The following SH3TC2 variants were observed in gnomAD, a reference collection of about 807,000 sequenced individuals.
SH3TC2 encodes the protein SH3 domain and tetratricopeptide repeat-containing protein 2.
Under a neutral mutation model 124.5 loss-of-function variants are expected in SH3TC2, and 87 were observed. The ratio of observed to expected loss-of-function variants is 0.70; its 90% CI spans 0.59 to 0.84. The LOEUF (loss-of-function observed/expected upper bound fraction) is 0.84. SH3TC2 is among the 40% of genes least tolerant of loss of function. The pLI, the probability that SH3TC2 is intolerant of heterozygous loss-of-function variation, is 0.00. For synonymous variants in SH3TC2, 634 were observed against 628.5 expected, an observed-to-expected ratio of 1.01 and a Z score of -0.13; for missense variants, 1,536 against 1,566.4, an observed-to-expected ratio of 0.98 and a Z score of 0.33.
At position 149,052,244 on chromosome 5, in the gene SH3TC2, G is replaced by A. The variant is rs774997367; in HGVS notation, c.53-4C>T. On this transcript the variant is annotated splice_region_variant and splice_polypyrimidine_tract_variant and intron_variant, in intron 1 of 16. Transcript: ENST00000515425. ...TCCTTGGAAGGAGTTTCTTTACCTGGAGAAGATGAAATAAAAGGTCATCTT... is the reference window on the plus strand; with the variant it reads ...TCCTTGGAAGGAGTTTCTTTACCTGAAGAAGATGAAATAAAAGGTCATCTT... 1 of 1,595,668 alleles carries A rather than the reference G, an allele frequency of 6.3e-7. No homozygotes were observed. Among genetic ancestry groups the A allele is most frequent in the East Asian group, 2.2e-5 (1 of 44,760 alleles).
chr5:149,009,296 G>C (rs1036787959), intron 14 of SH3TC2, among the ~76,000 whole-genome samples: 2 of 152,222 alleles, frequency 1.3e-5, no homozygotes, highest in Admixed American at 6.5e-5. Context: ...GTGGAAAGTC[G>C]TTCCCTTCTC....
intron 16 of SH3TC2, 143 bp downstream of exon 16, chr5:149,006,738 C>T: frequency 1.1e-6 from 1 of 870,138 alleles, no homozygotes; most frequent in Non-Finnish European, 2.0e-6. Context: ...TGTAAAGCCA[C>T]TCCTCACCCT....
At chr5:149,013,254 C>A (rs1350342623) in intron 12 of SH3TC2, among the ~76,000 whole-genome samples, 1 of 151,994 alleles carries the variant, frequency 6.6e-6, no homozygotes, top group Admixed American at 6.5e-5. Context: ...AATCATGGGG[C>A]CGTTACCCCC....
At chr5:149,025,562 G>T (rs1458222585) in intron 12 of SH3TC2, among the ~76,000 whole-genome samples, 1 of 152,224 alleles carries the variant, frequency 6.6e-6, no homozygotes, top group Non-Finnish European at 1.5e-5. Context: ...CAAATCTGTT[G>T]CAAAGTGAAC....
intron 14 of SH3TC2, 87 bp from the exon 15 acceptor site, chr5:149,009,088 G>T: frequency 6.4e-7 from 1 of 1,568,026 alleles, no homozygotes; most frequent in Non-Finnish European, 8.8e-7. Flanking sequence ...TACAGGCAGG[G>T]GTTGGGGAAC....
In SH3TC2 at chr5:148,998,661, G is replaced by A. The variant is rs560932494; in HGVS notation, c.*6050C>T. Among the ~76,000 whole-genome samples, 320 of 152,262 alleles carry A rather than the reference G, an allele frequency of 2.1e-3. 3 individuals carry two copies. Among genetic ancestry groups the A allele is most frequent in the African/African-American group, 7.6e-3 (314 of 41,562 alleles). Reference sequence around the variant, plus strand: ...AGCCCCACTGTGCAGTCCTGGCCACGCAAGTTATTCTTGATCCTGCACCAT... The same window carrying A: ...AGCCCCACTGTGCAGTCCTGGCCACACAAGTTATTCTTGATCCTGCACCAT... On this transcript the variant is annotated 3_prime_UTR_variant, in exon 17 of 17. Transcript: ENST00000515425.
intron 16 of SH3TC2, 105 bp from the exon 17 acceptor site, chr5:149,005,007 T>C: frequency 3.8e-6 from 5 of 1,327,510 alleles, no homozygotes; most frequent in Non-Finnish European, 5.3e-6. Context: ...TTTGTTTGTT[T>C]GTTTGTTTGT....
chr5:149,062,313 G>T (rs776489843), intron 1 of SH3TC2: 13 of 528,460 alleles, frequency 2.5e-5, no homozygotes, highest in South Asian at 4.2e-5. Context: ...AAGCAAGAAG[G>T]TTGCTTCAGG....
At position 148,995,425 on chromosome 5, in the gene SH3TC2, C is replaced by A. The variant is rs1193266688; in HGVS notation, c.*9286G>T. ...CCATCATTACAGCTTCAGTAAAAGA[C>A]CATGATTATCCCTGGTCAAACTACT... On this transcript the variant is annotated 3_prime_UTR_variant, in exon 17 of 17. Coordinates refer to ENST00000515425, the MANE Select transcript of SH3TC2 (RefSeq NM_024577.4). Among the ~76,000 whole-genome samples the A allele has an allele frequency of 1.3e-5, 2 of 152,142 alleles. No individual in the cohort carries two copies. The highest frequency in any genetic ancestry group is 4.8e-5 in the African/African-American group (2 of 41,430).
In SH3TC2 at chr5:148,990,837, G is replaced by C. The variant is rs1308396548; in HGVS notation, c.*13874C>G. ...TGCAATAAGCAAGGCCCTGAGTTAAGTATTCTAAGTACATTATCTCTTTTA... is the reference window on the plus strand; with the variant it reads ...TGCAATAAGCAAGGCCCTGAGTTAACTATTCTAAGTACATTATCTCTTTTA... On this transcript the variant is annotated 3_prime_UTR_variant, in exon 17 of 17. Transcript: ENST00000515425. Among the ~76,000 whole-genome samples, 1 of 152,192 alleles carries C rather than the reference G, an allele frequency of 6.6e-6. No individual in the cohort carries two copies. The highest frequency in any genetic ancestry group is 6.5e-5 in the Admixed American group (1 of 15,284).
intron 12 of SH3TC2, among the ~76,000 whole-genome samples, chr5:149,015,614 G>C (rs1447659641): frequency 6.6e-6 from 1 of 152,148 alleles, no homozygotes; most frequent in African/African-American, 2.4e-5. Flanking sequence ...CTCAAGTTCA[G>C]TCTCTGGGGT....
chr5:149,031,666 G>A lies in SH3TC2; in HGVS notation c.1023C>T (p.Leu341=). 6.2e-7 allele frequency: 1 copy of A among 1,614,128 alleles called. No homozygotes were observed. Among genetic ancestry groups the A allele is most frequent in the Non-Finnish European group, 8.5e-7 (1 of 1,180,040 alleles). ...YSPMSRNSAF[L]SDEERCSLLA... ...ACAGGGAGCATCTCTCCTCATCACT[G>A]AGAAAGGCAGAGTTCCTGCTCCTGC... The change falls in exon 9 of 17, where the codon CTC becomes CTT. Residue 341 remains leucine, a synonymous_variant. Coordinates refer to ENST00000515425, the MANE Select transcript of SH3TC2 (RefSeq NM_024577.4).
At chr5:149,060,571 A>C (rs1001105121) in intron 1 of SH3TC2, among the ~76,000 whole-genome samples, 2 of 152,176 alleles carry the variant, frequency 1.3e-5, no homozygotes, top group Non-Finnish European at 2.9e-5. Flanking sequence ...TCCTGTGTCC[A>C]TTAGCCCTGA....
chr5:149,008,064 G>C (rs1753720950), intron 15 of SH3TC2: 1 of 152,700 alleles, frequency 6.5e-6, no homozygotes, highest in Admixed American at 6.5e-5. Context: ...GTAGGGAAAA[G>C]AGGGAAGGCT....
rs1753402081 is a variant in SH3TC2 at position 148,990,325 on chromosome 5, G to A, written c.*14386C>T. On this transcript the variant is annotated 3_prime_UTR_variant, in exon 17 of 17. Coordinates refer to ENST00000515425, the MANE Select transcript of SH3TC2 (RefSeq NM_024577.4). Reference sequence around the variant, plus strand: ...CTCTGAGCCTTAGTTTCCTTAGTTTGCTGTAAATGTTCACACCTCCCATCA... The same window carrying A: ...CTCTGAGCCTTAGTTTCCTTAGTTTACTGTAAATGTTCACACCTCCCATCA... Among the ~76,000 whole-genome samples the A allele has an allele frequency of 6.6e-6, 1 of 152,016 alleles. No homozygotes were observed. Among genetic ancestry groups the A allele is most frequent in the Non-Finnish European group, 1.5e-5 (1 of 68,004 alleles).
At position 149,044,598 on chromosome 5, in the gene SH3TC2, G is replaced by T. The variant is rs1371951870; in HGVS notation, c.320C>A (p.Ala107Asp). 4 of 1,613,908 alleles carry T rather than the reference G, an allele frequency of 2.5e-6. No homozygotes were observed. The African/African-American group carries it at 5.3e-5, about 22-fold the overall frequency. Residue 107 changes from alanine (A) to aspartate (D), a missense_variant, in exon 4 of 17, where the codon GCC becomes GAC. Ala to Asp is a moderately radical substitution (Grantham distance 126, BLOSUM62 -2). Coordinates refer to ENST00000515425, the MANE Select transcript of SH3TC2 (RefSeq NM_024577.4). ...ARLVSIQSQRAQFLITFKTME... is the reference protein window; with the variant it reads ...ARLVSIQSQRDQFLITFKTME... ...GGTCTTGAAGGTGATGAGAAACTGG[G>T]CCCTCTGAGACTGGATACTGACCAA...
rs1753400168 is a variant in SH3TC2, at chr5:148,990,215, T to G, written c.*14496A>C. On this transcript the variant is annotated 3_prime_UTR_variant, in exon 17 of 17. Coordinates refer to ENST00000515425, the MANE Select transcript of SH3TC2 (RefSeq NM_024577.4). ...GTCTCTGCTTGCACTTGCAGTTCCTTTCTCCTACTAGGACATTGGTCATTT... is the reference window on the plus strand; with the variant it reads ...GTCTCTGCTTGCACTTGCAGTTCCTGTCTCCTACTAGGACATTGGTCATTT... Among the ~76,000 whole-genome samples the G allele has an allele frequency of 6.6e-6, 1 of 151,794 alleles. No homozygotes were observed. Among genetic ancestry groups the G allele is most frequent in the Non-Finnish European group, 1.5e-5 (1 of 67,996 alleles).
intron 2 of SH3TC2, among the ~76,000 whole-genome samples, chr5:149,049,110 T>C (rs993480565): frequency 1.3e-5 from 2 of 152,188 alleles, no homozygotes; most frequent in South Asian, 2.1e-4. Flanking sequence ...AACCTGAAAA[T>C]GCTGTGGCTG....
chr5:149,028,054 C>A lies in SH3TC2; in HGVS notation c.1678G>T (p.Gly560Ter), dbSNP rs1279803181. The change falls in exon 11 of 17, where the codon GGA becomes TGA. Residue 560 changes from glycine to a stop codon, truncating the protein, a stop_gained. Transcript: ENST00000515425. LOFTEE classifies it high-confidence loss of function. ...ACCAAGGATAGGTCCTCAAATGCTCCATTGAGAATGTGGATGGCCTCCTCG... is the reference window on the plus strand; with the variant it reads ...ACCAAGGATAGGTCCTCAAATGCTCAATTGAGAATGTGGATGGCCTCCTCG... ...YFEEAIHILN[G>*]AFEDLSLVAT... is the part of the protein sequence containing the mutation. The A allele has an allele frequency of 6.2e-7, 1 of 1,614,012 alleles. No homozygotes were observed. Among genetic ancestry groups the A allele is most frequent in the African/African-American group, 1.3e-5 (1 of 74,942 alleles).
Sources: allele counts gnomAD v4.1 joint callset (sites outside exome capture counted in the v4.1 genomes callset), GRCh38; gene constraint gnomAD v4.1.1; transcripts MANE v1.5; gene names NCBI Gene and HGNC (gene_info 2026-07-23, HGNC 2026-07-21).